VAV1: variants seen among roughly 807,000 people sequenced by gnomAD.
VAV1 encodes the protein vav guanine nucleotide exchange factor 1, also known as proto-oncogene vav.
VAV1 carries 33 observed loss-of-function variants against 128.1 expected under a neutral mutation model. The observed-to-expected ratio is 0.26, with a 90% CI of 0.20 to 0.34. VAV1 has a LOEUF of 0.34. VAV1 is among the 10% of genes least tolerant of loss of function. The pLI is 1.00. For synonymous variants in VAV1, 394 were observed against 409.8 expected (o/e 0.96, Z 0.47); for missense variants, 715 against 1,093.7 (o/e 0.65, Z 4.88).
At chr19:6,852,886 T>TG (rs1234942758) in intron 24 of VAV1, 79 bp from the exon 25 acceptor site, 1 of 1,140,450 alleles carries the variant, frequency 8.8e-7, no homozygotes, top group East Asian at 2.5e-5. Flanking sequence ...TGTGAGGAGT[T>TG]GCATATGGCT....
intron 1 of VAV1, among the ~76,000 whole-genome samples, chr19:6,792,371 TA>T (rs560246533): frequency 8.2e-4 from 117 of 142,160 alleles, no homozygotes; most frequent in South Asian, 2.6e-3. Context: ...AGGCAAGAAT[TA>T]AAAAAAAAAA....
At chr19:6,853,813 G>C in intron 25 of VAV1, 134 bp from the exon 26 acceptor site, 1 of 1,084,540 alleles carries the variant, frequency 9.2e-7, no homozygotes, top group Middle Eastern at 2.7e-4. Context: ...ACAGTACAGG[G>C]CATCTAATAC....
intron 22 of VAV1, 131 bp downstream of exon 22, chr19:6,843,297 G>C: frequency 2.8e-6 from 3 of 1,061,276 alleles, no homozygotes; most frequent in South Asian, 1.4e-5. Context: ...TCTGAATCTA[G>C]CTCTGGGCTG....
chr19:6,843,629 C>A (rs890785283), intron 22 of VAV1, among the ~76,000 whole-genome samples: 2 of 152,124 alleles, frequency 1.3e-5, no homozygotes, highest in Non-Finnish European at 2.9e-5. Flanking sequence ...TACTTAACCT[C>A]CCTCTGTTTC....
rs1433703070 is a variant in VAV1, at chr19:6,777,476, GTA to G, written c.204+4467_204+4468del. On this transcript the variant is annotated intron_variant, in intron 1 of 26. Coordinates refer to ENST00000602142, the MANE Select transcript of VAV1 (RefSeq NM_005428.4). The surrounding 1 kb of genome is among the most constrained non-coding windows in gnomAD (Gnocchi z 4.4). ...TCTGGAGAAAACAAAGTGGAACAGG[GTA>G]TGAGGGGGGCACTTTGACGAGGAGG... 6.6e-6 allele frequency among the ~76,000 whole-genome samples: 1 copy of G among 152,198 alleles called. No homozygotes were observed. Among genetic ancestry groups the G allele is most frequent in the African/African-American group, 2.4e-5 (1 of 41,448 alleles).
At chr19:6,794,421 C>T (rs562255054) in intron 1 of VAV1, among the ~76,000 whole-genome samples, 16 of 152,208 alleles carry the variant, frequency 1.1e-4, no homozygotes, top group African/African-American at 3.9e-4. Flanking sequence ...AGGAGGATTG[C>T]TTGAGCCCAG....
chr19:6,854,541 C>A (rs1001359947), intron 26 of VAV1, among the ~76,000 whole-genome samples: 2 of 151,784 alleles, frequency 1.3e-5, no homozygotes, highest in South Asian at 4.2e-4. Flanking sequence ...AGTGAGATCC[C>A]ACCTCTACAT....
intron 1 of VAV1, among the ~76,000 whole-genome samples, chr19:6,814,952 T>A (rs965578951): frequency 6.6e-6 from 1 of 151,762 alleles, no homozygotes; most frequent in South Asian, 2.1e-4. Context: ...GAGATTTTTT[T>A]CCCCCTCTTT....
At chr19:6,849,868 C>T (rs76129112) in intron 23 of VAV1, among the ~76,000 whole-genome samples, 2,913 of 152,266 alleles carry the variant, frequency 0.019, 105 homozygotes, top group African/African-American at 0.065. Flanking sequence ...CATGTCTTTG[C>T]TATTGTGAAT....
Position 6,833,630 on chromosome 19 carries a change from G to C in VAV1, c.1708+5G>C. ...CATGTGGCCGACATGGGCAAGGTAC[G>C]AGTGGGAGGGAGGCTGGGAGGTGAG... On this transcript the variant is annotated splice_donor_5th_base_variant and intron_variant, in intron 17 of 26. Transcript: ENST00000602142. The C allele has an allele frequency of 1.2e-6, 2 of 1,614,050 alleles. No homozygotes were observed. The highest frequency in any genetic ancestry group is 2.7e-5 in the African/African-American group (2 of 75,052).
intron 1 of VAV1, among the ~76,000 whole-genome samples, chr19:6,789,851 G>A (rs187345340): frequency 1.1e-4 from 17 of 152,218 alleles, no homozygotes; most frequent in African/African-American, 3.6e-4. Flanking sequence ...TGCCTGCCTT[G>A]GCCTCCCAAA....
In VAV1 at chr19:6,826,865, G is replaced by A; in HGVS notation, c.927+154G>A. ...AGGGAGGGAGGTACTAGCCAGCCAA[G>A]CAGAGGAAATGGAGAAGAACAGAAA... On this transcript the variant is annotated intron_variant, in intron 9 of 26. Transcript: ENST00000602142. The surrounding 1 kb of genome is among the most constrained non-coding windows in gnomAD (Gnocchi z 4.1). The A allele has an allele frequency of 1.5e-6, 1 of 654,948 alleles. No individual in the cohort carries two copies. The highest frequency in any genetic ancestry group is 2.7e-6 in the Non-Finnish European group (1 of 372,546). 40.6% of individuals were successfully genotyped at this position (654,948 alleles called of 1,614,324 possible). A position where few individuals can be genotyped will look rare whatever the true frequency, so the allele number is the denominator to read the frequency against.
chr19:6,814,440 T>A (rs543236806), intron 1 of VAV1, among the ~76,000 whole-genome samples: 2 of 147,086 alleles, frequency 1.4e-5, no homozygotes, highest in Admixed American at 6.7e-5. Context: ...GATTTCACAA[T>A]TTTTTTTTTA....
In VAV1 at chr19:6,833,195, A is replaced by G. The variant is rs373199416; in HGVS notation, c.1520A>G (p.Tyr507Cys). Residue 507 changes from tyrosine (Y) to cysteine (C), a missense_variant, in exon 16 of 27, where the codon TAT becomes TGT. Transcript: ENST00000602142. ...TTTTCCCCTGCCAGCTCCAACATCT[A>G]TCCGGAGAATGCCACCGCCAACGGG... ...EQFEMAISNI[Y>C]PENATANGHD... The G allele has an allele frequency of 7.5e-6, 12 of 1,607,698 alleles. No homozygotes were observed. Among genetic ancestry groups the G allele is most frequent in the Middle Eastern group, 1.7e-4 (1 of 5,912 alleles).
At chr19:6,773,970 A>G (rs1970561631) in intron 1 of VAV1, among the ~76,000 whole-genome samples, 1 of 151,858 alleles carries the variant, frequency 6.6e-6, no homozygotes, top group African/African-American at 2.4e-5. Context: ...GTCTGAGGGG[A>G]CAGCTCCCAT....
At chr19:6,855,273 G>A (rs767140238) in intron 26 of VAV1, among the ~76,000 whole-genome samples, 2 of 152,198 alleles carry the variant, frequency 1.3e-5, no homozygotes, top group Admixed American at 6.5e-5. Context: ...TCGATGAGGA[G>A]TTTTGTTAAA....
chr19:6,848,027 C>T lies in VAV1; in HGVS notation c.2042C>T (p.Ala681Val). Residue 681 changes from alanine (A) to valine (V), a missense_variant, in exon 23 of 27, where the codon GCA (alanine) becomes GTA (valine). Physicochemically the swap from Ala to Val is moderately conservative, Grantham distance 64 (BLOSUM62 0). This residue lies in a region of VAV1 where 407 missense variants were observed against 580.6 expected (regional missense o/e 0.70). Coordinates refer to ENST00000602142, the MANE Select transcript of VAV1 (RefSeq NM_005428.4). ...WYAGPMERAG[A>V]ESILANRSDG... The stretch of plus-strand genomic sequence containing the variant: ...GCAGGCCCCATGGAGCGGGCAGGGG[C>T]AGAGAGCATCCTGGCCAACCGCTCG... 3.3e-6 allele frequency: 5 copies of T among 1,534,058 alleles called. No homozygotes were observed. The highest frequency in any genetic ancestry group is 1.2e-5 in the South Asian group (1 of 80,042).
Position 6,848,002 on chromosome 19 carries a change from G to T in VAV1, c.2017G>T (p.Ala673Ser), listed in dbSNP as rs150162861. ...PQDLSVHLWY[A>S]GPMERAGAES... is the part of the protein sequence containing the mutation. ...GTCCTTGGTGTCTCTTTGCAGGTACGCAGGCCCCATGGAGCGGGCAGGGGC... is the reference window on the plus strand; with the variant it reads ...GTCCTTGGTGTCTCTTTGCAGGTACTCAGGCCCCATGGAGCGGGCAGGGGC... The change falls in exon 23 of 27, where the codon GCA becomes TCA. Residue 673 changes from alanine to serine, a missense_variant. Physicochemically the swap from Ala to Ser is moderately conservative, Grantham distance 99. Coordinates refer to ENST00000602142, the MANE Select transcript of VAV1 (RefSeq NM_005428.4). 33 of 1,512,066 alleles carry T rather than the reference G, an allele frequency of 2.2e-5. No individual in the cohort carries two copies. The highest frequency in any genetic ancestry group is 2.9e-5 in the Non-Finnish European group (33 of 1,137,286). 93.7% of individuals were successfully genotyped at this position (1,512,066 alleles called of 1,614,324 possible).
At chr19:6,848,156 G>A in intron 23 of VAV1, 42 bp downstream of exon 23, 1 of 1,501,478 alleles carries the variant, frequency 6.7e-7, no homozygotes, top group Non-Finnish European at 8.8e-7. Context: ...TGGGGCCTGG[G>A]CCCTGCGGGC....
Sources: allele counts gnomAD v4.1 joint callset (sites outside exome capture counted in the v4.1 genomes callset), GRCh38; gene constraint gnomAD v4.1.1; regional missense constraint gnomAD v4.1.1; non-coding constraint Gnocchi (gnomAD v3.1); transcripts MANE v1.5; gene names NCBI Gene and HGNC (gene_info 2026-07-23, HGNC 2026-07-21).